FAM174B: variants seen among roughly 807,000 people sequenced by gnomAD.
FAM174B encodes membrane protein FAM174B.
Under a neutral mutation model 10.9 loss-of-function variants are expected in FAM174B, and 12 were observed. That is an observed-to-expected ratio of 1.10 (90% CI 0.71 to 1.79). FAM174B has a LOEUF of 1.79. Ranked by LOEUF, FAM174B falls within the 40% of genes most tolerant of loss-of-function variation. FAM174B has a pLI of 0.00. For synonymous variants in FAM174B, 132 were observed against 115.8 expected (o/e 1.14, Z -0.90); for missense variants, 266 against 233.3 (o/e 1.14, Z -0.91).
chr15:92,655,538 C>T lies in FAM174B; in HGVS notation c.122G>A (p.Arg41His), dbSNP rs1186496907. ...SVSAPWPEPERESRPPPGPGP... is the reference protein window; with the variant it reads ...SVSAPWPEPEHESRPPPGPGP... The stretch of plus-strand genomic sequence containing the variant: ...CGGGCCGGGCGGTGGCCGCGACTCG[C>T]GCTCGGGTTCGGGCCACGGCGCGGA... Residue 41 changes from arginine (R) to histidine (H), a missense_variant, in exon 1 of 3, where the codon CGC becomes CAC. Transcript: ENST00000327355. The T allele has an allele frequency of 6.9e-7, 1 of 1,453,254 alleles. No individual in the cohort carries two copies. The highest frequency in any genetic ancestry group is 9.1e-7 in the Non-Finnish European group (1 of 1,101,214). 90.0% of individuals were successfully genotyped at this position (1,453,254 alleles called of 1,614,324 possible).
intron 1 of FAM174B, among the ~76,000 whole-genome samples, chr15:92,631,928 G>C (rs865862944): frequency 1.2e-4 from 19 of 152,236 alleles, no homozygotes; most frequent in South Asian, 8.3e-4. Context: ...AGCCACGGGA[G>C]AGTTGGGTCA....
intron 1 of FAM174B, among the ~76,000 whole-genome samples, 188 bp from the exon 2 acceptor site, chr15:92,630,533 T>C (rs2050785799): frequency 6.6e-6 from 1 of 151,954 alleles, no homozygotes; most frequent in South Asian, 2.1e-4. Context: ...CTGCTGAGAC[T>C]GCTCCCAGGA....
Position 92,618,840 on chromosome 15 carries a change from TAAA to T in FAM174B, c.*613_*615del, listed in dbSNP as rs34916013. ...ATTTCTGCTGAACCTTTTTTTTTTTTAAAAAAAAAAAAAAAGGAAGAAAGAAAA... is the reference window on the plus strand; with the variant it reads ...ATTTCTGCTGAACCTTTTTTTTTTTTAAAAAAAAAAAAGGAAGAAAGAAAA... On this transcript the variant is annotated 3_prime_UTR_variant, in exon 3 of 3. Coordinates refer to ENST00000327355, the MANE Select transcript of FAM174B (RefSeq NM_207446.3). The T allele has an allele frequency of 5.6e-5, 8 of 144,118 alleles. No individual in the cohort carries two copies. Among genetic ancestry groups the T allele is most frequent in the Admixed American group, 6.6e-5 (1 of 15,094 alleles). The allele number at this position is 144,118 out of a possible 1,614,324, so 8.9% of individuals were successfully genotyped here. A position where few individuals can be genotyped will look rare whatever the true frequency, so the allele number is the denominator to read the frequency against.
chr15:92,645,910 A>C (rs1399833313), intron 1 of FAM174B, among the ~76,000 whole-genome samples: 1 of 152,082 alleles, frequency 6.6e-6, no homozygotes, highest in Non-Finnish European at 1.5e-5. Flanking sequence ...CCCTCCACCC[A>C]GCCCCAAGGC....
chr15:92,631,316 A>AT (rs1555421116), intron 1 of FAM174B, among the ~76,000 whole-genome samples: 1 of 692 alleles, frequency 1.4e-3, no homozygotes, highest in African/African-American at 3.0e-3. Context: ...TATTATATAT[A>AT]ATATTATATA....
At position 92,617,869 on chromosome 15, in the gene FAM174B, C is replaced by T. The variant is rs1355766589; in HGVS notation, c.*1587G>A. The T allele has an allele frequency of 1.3e-5, 6 of 445,034 alleles. No individual in the cohort carries two copies. Among genetic ancestry groups the T allele is most frequent in the African/African-American group, 1.2e-4 (6 of 48,936 alleles). 27.6% of individuals were successfully genotyped at this position (445,034 alleles called of 1,614,324 possible). On this transcript the variant is annotated 3_prime_UTR_variant, in exon 3 of 3. Coordinates refer to ENST00000327355, the MANE Select transcript of FAM174B (RefSeq NM_207446.3). Reference sequence around the variant, plus strand: ...GCAGGGAGCAGAGACTACACGCAGGCCCCCCGTGGCTGGCAATACCATGCG... The same window carrying T: ...GCAGGGAGCAGAGACTACACGCAGGTCCCCCGTGGCTGGCAATACCATGCG...
rs1194726246 is a variant in FAM174B, at chr15:92,655,422, G to C, written c.238C>G (p.Arg80Gly). The change falls in exon 1 of 3, where the codon CGC (arginine) becomes GGC (glycine). Residue 80 changes from arginine to glycine, a missense_variant. By Grantham distance (125) the Arg-to-Gly change is moderately radical. Transcript: ENST00000327355. ...AGGTCGCGGAGGAGGATGGAAATGC[G>C]GGTCACCAAGGCGTCGCCACTGCTG... ...SNSSGDALVT[R>G]ISILLRDLPT... is the part of the protein sequence containing the mutation. The C allele has an allele frequency of 6.3e-7, 1 of 1,594,634 alleles. No individual in the cohort carries two copies.
chr15:92,637,007 G>C (rs967691084), intron 1 of FAM174B, among the ~76,000 whole-genome samples: 5 of 152,122 alleles, frequency 3.3e-5, no homozygotes, highest in African/African-American at 4.8e-5. Context: ...GCCAGCCCAC[G>C]CCCACTTCCT....
At chr15:92,646,402 C>G (rs1387251628) in intron 1 of FAM174B, among the ~76,000 whole-genome samples, 1 of 152,204 alleles carries the variant, frequency 6.6e-6, no homozygotes, top group Non-Finnish European at 1.5e-5. Flanking sequence ...CAAGACACTT[C>G]AACAACTGAG....
rs376476604 is a variant in FAM174B at position 92,630,349 on chromosome 15, C to A, written c.345-4G>T. 3.9e-5 allele frequency: 62 copies of A among 1,607,694 alleles called. No homozygotes were observed. The highest frequency in any genetic ancestry group is 5.0e-5 in the Non-Finnish European group (59 of 1,176,706). On this transcript the variant is annotated splice_polypyrimidine_tract_variant and splice_region_variant and intron_variant, in intron 1 of 2. Transcript: ENST00000327355. ...CTTCTTTAACCTCTTTCCCGACCTGCAGGAGAAGAAGCACATTCATGAGAA... is the reference window on the plus strand; with the variant it reads ...CTTCTTTAACCTCTTTCCCGACCTGAAGGAGAAGAAGCACATTCATGAGAA...
intron 1 of FAM174B, among the ~76,000 whole-genome samples, chr15:92,637,166 G>C (rs898399942): frequency 6.6e-6 from 1 of 152,244 alleles, no homozygotes; most frequent in African/African-American, 2.4e-5. Context: ...CAATGGCAGA[G>C]GAGCAGGGCA....
chr15:92,630,358 A>C lies in FAM174B; in HGVS notation c.345-13T>G, dbSNP rs376831326. The C allele has an allele frequency of 5.9e-5, 95 of 1,603,466 alleles. No individual in the cohort carries two copies. The highest frequency in any genetic ancestry group is 3.3e-4 in the Middle Eastern group (2 of 6,066). ...CCTCTTTCCCGACCTGCAGGAGAAG[A>C]AGCACATTCATGAGAACACAGCTGG... On this transcript the variant is annotated splice_polypyrimidine_tract_variant and intron_variant, in intron 1 of 2. Transcript: ENST00000327355.
intron 2 of FAM174B, among the ~76,000 whole-genome samples, chr15:92,629,033 C>T (rs1400651633): frequency 6.6e-6 from 1 of 152,170 alleles, no homozygotes; most frequent in Non-Finnish European, 1.5e-5. Context: ...ATCAAAATCC[C>T]AAACATTGTC....
chr15:92,617,674 AG>A lies in FAM174B; in HGVS notation c.*1781del. The A allele has an allele frequency of 2.9e-6, 2 of 681,402 alleles. No individual in the cohort carries two copies. Among genetic ancestry groups the A allele is most frequent in the Non-Finnish European group, 5.3e-6 (2 of 377,364 alleles). The allele number at this position is 681,402 out of a possible 1,614,324, so 42.2% of individuals were successfully genotyped here. Reference sequence around the variant, plus strand: ...GCCAGCAGTTCCAGTTCAAAGGTTGAGGGGGCGAACAGCTGCGAGGTGGCCA... The same window carrying A: ...GCCAGCAGTTCCAGTTCAAAGGTTGAGGGGCGAACAGCTGCGAGGTGGCCA... On this transcript the variant is annotated 3_prime_UTR_variant, in exon 3 of 3. Coordinates refer to ENST00000327355, the MANE Select transcript of FAM174B (RefSeq NM_207446.3).
rs555995777 is a variant in FAM174B at position 92,621,772 on chromosome 15, C to T, written c.477-2313G>A. ...TGGCCCCTTCTGTGGGTTGGGGAGT[C>T]GGGGGAGCTAACCTCACAAACCAAC... On this transcript the variant is annotated intron_variant, in intron 2 of 2. Coordinates refer to ENST00000327355, the MANE Select transcript of FAM174B (RefSeq NM_207446.3). Among the ~76,000 whole-genome samples the T allele has an allele frequency of 5.9e-5, 9 of 152,138 alleles. No homozygotes were observed. In the South Asian group the frequency reaches 1.5e-3, roughly 25 times the overall value.
chr15:92,641,461 G>A (rs1468473578), intron 1 of FAM174B, among the ~76,000 whole-genome samples: 2 of 152,114 alleles, frequency 1.3e-5, no homozygotes, highest in Non-Finnish European at 2.9e-5. Flanking sequence ...TCCATATAAT[G>A]AACACTAAGC....
chr15:92,640,189 T>C (rs1486665283), intron 1 of FAM174B, among the ~76,000 whole-genome samples: 1 of 152,112 alleles, frequency 6.6e-6, no homozygotes, highest in Non-Finnish European at 1.5e-5. Context: ...GAAGAAAACA[T>C]GGGAGAAATC....
chr15:92,633,551 G>A (rs998357276), intron 1 of FAM174B, among the ~76,000 whole-genome samples: 7 of 151,824 alleles, frequency 4.6e-5, no homozygotes, highest in East Asian at 1.9e-4. Context: ...TTTCATCACC[G>A]GTATACACAC....
intron 1 of FAM174B, among the ~76,000 whole-genome samples, chr15:92,650,094 C>T (rs1449050802): frequency 6.6e-6 from 1 of 151,976 alleles, no homozygotes; most frequent in African/African-American, 2.4e-5. Context: ...TAAGCAATGA[C>T]AAAAAAATTT....
Sources: gnomAD v4.1 joint callset for allele counts (sites outside exome capture counted in the v4.1 genomes callset) on GRCh38, gnomAD v4.1.1 for gene constraint, MANE v1.5 for transcripts, NCBI Gene and HGNC (gene_info 2026-07-23, HGNC 2026-07-21) for gene names.